The following RAB33B variants were observed in gnomAD, a reference collection of about 807,000 sequenced individuals.
RAB33B encodes RAB33B, member RAS oncogene family.
Under a neutral mutation model 15.0 loss-of-function variants are expected in RAB33B, and 6 were observed. That is an observed-to-expected ratio of 0.40 (90% CI 0.22 to 0.79). RAB33B has a LOEUF of 0.79. Among genes scored for constraint, RAB33B ranks in the 30% least tolerant of loss-of-function variants. RAB33B has a pLI of 0.37. For missense variants in RAB33B, 257 were observed against 296.4 expected (o/e 0.87, Z 0.98); for synonymous variants, 117 against 108.3 (o/e 1.08, Z -0.50).
At chr4:139,466,108 G>C (rs991990800) in intron 1 of RAB33B, among the ~76,000 whole-genome samples, 1 of 152,120 alleles carries the variant, frequency 6.6e-6, no homozygotes, top group African/African-American at 2.4e-5. Context: ...GGCTCCCTAA[G>C]TGCTGGGATT....
chr4:139,452,501 T>A (rs552310109), upstream of RAB33B: 1 of 152,338 alleles, frequency 6.6e-6, no homozygotes, highest in East Asian at 1.9e-4. Flanking sequence ...TTCCCTCCTT[T>A]GAATGGGATA....
chr4:139,441,718 G>A, the RAB33B span, among the ~76,000 whole-genome samples: 8 of 152,148 alleles, frequency 5.3e-5, no homozygotes, highest in African/African-American at 9.7e-5. Flanking sequence ...GTCGAGAAGC[G>A]TACTAAAATC....
chr4:139,467,213 C>A (rs1386066395), intron 1 of RAB33B, among the ~76,000 whole-genome samples: 2 of 150,632 alleles, frequency 1.3e-5, no homozygotes, highest in Non-Finnish European at 3.0e-5. Context: ...ATGTGATCCA[C>A]CTGCTTTGGC....
chr4:139,457,135 TAAC>T (rs1362374868), intron 1 of RAB33B, among the ~76,000 whole-genome samples: 2 of 152,232 alleles, frequency 1.3e-5, no homozygotes. Flanking sequence ...AAGCATGACT[TAAC>T]AACAGTGCCC....
intron 1 of RAB33B, among the ~76,000 whole-genome samples, chr4:139,468,864 T>C (rs1750340732): frequency 6.6e-6 from 1 of 152,236 alleles, no homozygotes; most frequent in Admixed American, 6.5e-5. Context: ...TCTTCAGCAC[T>C]TGGAAATATA....
At chr4:139,465,254 A>G (rs1392375458) in intron 1 of RAB33B, among the ~76,000 whole-genome samples, 1 of 151,866 alleles carries the variant, frequency 6.6e-6, no homozygotes, top group Non-Finnish European at 1.5e-5. Context: ...TTTTCTTGTA[A>G]ATTTGTTTAA....
chr4:139,465,268 C>G (rs1750260975), intron 1 of RAB33B, among the ~76,000 whole-genome samples: 1 of 152,094 alleles, frequency 6.6e-6, no homozygotes, highest in African/African-American at 2.4e-5. Flanking sequence ...TGTTTAAGTT[C>G]TTTGTAGATT....
At chr4:139,469,959 T>A (rs1206848824) in intron 1 of RAB33B, among the ~76,000 whole-genome samples, 4 of 152,176 alleles carry the variant, frequency 2.6e-5, no homozygotes, top group Non-Finnish European at 4.4e-5. Context: ...AAGCCCCCTT[T>A]ACTTTTGCCT....
the RAB33B span, among the ~76,000 whole-genome samples, chr4:139,445,863 G>C: frequency 6.6e-6 from 1 of 152,128 alleles, no homozygotes; most frequent in Non-Finnish European, 1.5e-5. Context: ...CACAGTAGAG[G>C]CCTCTAGGAT....
rs1228986338 is a variant in RAB33B, at chr4:139,475,487, A to T, written c.*2361A>T. The T allele has an allele frequency of 6.6e-6, 1 of 151,902 alleles. No homozygotes were observed. The highest frequency in any genetic ancestry group is 2.4e-5 in the African/African-American group (1 of 41,432). The allele number at this position is 151,902 out of a possible 1,614,324, so 9.4% of individuals were successfully genotyped here. A position where few individuals can be genotyped will look rare whatever the true frequency, so the allele number is the denominator to read the frequency against. ...TTGTAACAATTTGTTTTAATTTTTT[A>T]TATATATGTTTTTATTTTTAAAAAA... On this transcript the variant is annotated 3_prime_UTR_variant, in exon 2 of 2. Transcript: ENST00000305626.
At chr4:139,463,682 C>G (rs572997971) in intron 1 of RAB33B, among the ~76,000 whole-genome samples, 6 of 152,306 alleles carry the variant, frequency 3.9e-5, no homozygotes, top group Non-Finnish European at 7.4e-5. Flanking sequence ...GTTTTCTAGG[C>G]TTTGCTTTTC....
chr4:139,464,122 A>G (rs1750226783), intron 1 of RAB33B, among the ~76,000 whole-genome samples: 1 of 152,066 alleles, frequency 6.6e-6, no homozygotes, highest in Non-Finnish European at 1.5e-5. Context: ...TCTCTACAAA[A>G]AGTAAAAACT....
intron 1 of RAB33B, among the ~76,000 whole-genome samples, chr4:139,461,370 G>T (rs61504421): frequency 0.055 from 8,309 of 152,270 alleles, 253 homozygotes; most frequent in East Asian, 0.1. Context: ...ACAGAATCAG[G>T]TAGTCCACGT....
chr4:139,462,671 C>G (rs961673692), intron 1 of RAB33B, among the ~76,000 whole-genome samples: 1 of 152,130 alleles, frequency 6.6e-6, no homozygotes, highest in Non-Finnish European at 1.5e-5. Context: ...ATGTGTGTGT[C>G]TGGTGTACAG....
rs60706994 is a variant in RAB33B, at chr4:139,464,609, A to C, written c.250-8077A>C. On this transcript the variant is annotated intron_variant, in intron 1 of 1. Transcript: ENST00000305626. ...TGTGTCCAAGTGTTCTCATTGTTCA[A>C]TTCCCACCTATGGGTGAGAACATGC... 3.9e-3 allele frequency among the ~76,000 whole-genome samples: 592 copies of C among 151,970 alleles called. 4 individuals are homozygous for C. Among genetic ancestry groups the C allele is most frequent in the African/African-American group, 0.013 (547 of 41,436 alleles).
chr4:139,467,744 G>C (rs1750316953), intron 1 of RAB33B, among the ~76,000 whole-genome samples: 1 of 151,746 alleles, frequency 6.6e-6, no homozygotes, highest in Non-Finnish European at 1.5e-5. Context: ...TGTAGTCCCA[G>C]CTACTCAGGT....
At position 139,454,241 on chromosome 4, in the gene RAB33B, A is replaced by C; in HGVS notation, c.46A>C (p.Ser16Arg). ...GTCGCTCGAGGCAAGCTTTTCGTCC[A>C]GCGGGGCAGTGTCAGGGGCCTCAGG... Reference protein sequence around the residue: ...ESSLEASFSSSGAVSGASGFL... With the variant: ...ESSLEASFSSRGAVSGASGFL... Residue 16 changes from serine to arginine, a missense_variant, in exon 1 of 2, where the codon AGC becomes CGC. Coordinates refer to ENST00000305626, the MANE Select transcript of RAB33B (RefSeq NM_031296.3). The C allele has an allele frequency of 6.2e-7, 1 of 1,614,110 alleles. No homozygotes were observed. Among genetic ancestry groups the C allele is most frequent in the Non-Finnish European group, 8.5e-7 (1 of 1,179,998 alleles).
At chr4:139,465,713 C>A (rs957368135) in intron 1 of RAB33B, among the ~76,000 whole-genome samples, 7 of 140,904 alleles carry the variant, frequency 5.0e-5, no homozygotes, top group African/African-American at 2.0e-4. Flanking sequence ...GATTAAACTT[C>A]TTCTTCTTCT....
At chr4:139,441,290 G>A in the RAB33B span, among the ~76,000 whole-genome samples, 2 of 152,160 alleles carry the variant, frequency 1.3e-5, no homozygotes, top group Non-Finnish European at 2.9e-5. Flanking sequence ...CAGGGTTGAG[G>A]AAATAGATTC....
Sources: gnomAD v4.1 joint callset for allele counts (sites outside exome capture counted in the v4.1 genomes callset) on GRCh38, gnomAD v4.1.1 for gene constraint, MANE v1.5 for transcripts, NCBI Gene and HGNC (gene_info 2026-07-23, HGNC 2026-07-21) for gene names.